Variants in RBFOX1 observed in about 807,000 individuals in gnomAD.
RBFOX1 encodes the protein RNA binding protein fox-1 homolog 1.
RBFOX1 carries 8 observed loss-of-function variants against 57.7 expected under a neutral mutation model. The observed-to-expected ratio is 0.14, with a 90% CI of 0.08 to 0.25. The LOEUF (loss-of-function observed/expected upper bound fraction) is 0.25, where lower values mean the gene tolerates loss of function less well. RBFOX1 is among the 10% of genes least tolerant of loss of function. The probability of loss-of-function intolerance (pLI) is 1.00; values close to 1 mark genes in which losing one functional copy is unlikely to be tolerated. For synonymous variants in RBFOX1, 326 were observed against 222.4 expected (o/e 1.47, Z -4.15); for missense variants, 611 against 548.5 (o/e 1.11, Z -1.14).
chr16:6,346,740 G>A (rs1599882054), intron 2 of RBFOX1, among the ~76,000 whole-genome samples: 2 of 152,210 alleles, frequency 1.3e-5, no homozygotes. Context: ...AGGTTATGAT[G>A]TTGGAGCAGA....
chr16:7,678,241 A>C (rs1229007314), intron 14 of RBFOX1, among the ~76,000 whole-genome samples: 1 of 152,200 alleles, frequency 6.6e-6, no homozygotes, highest in Non-Finnish European at 1.5e-5. Context: ...TTTACCGAGT[A>C]ATCAGTTGCC....
At chr16:5,338,792 G>A (rs2151290356) in intron 1 of RBFOX1, among the ~76,000 whole-genome samples, 2 of 152,246 alleles carry the variant, frequency 1.3e-5, no homozygotes, top group Admixed American at 1.3e-4. Context: ...GAGTAGTGGG[G>A]ACTGAAGGTG....
At chr16:7,111,199 GT>G (rs1188734739) in intron 4 of RBFOX1, among the ~76,000 whole-genome samples, 1 of 152,194 alleles carries the variant, frequency 6.6e-6, no homozygotes, top group African/African-American at 2.4e-5. Flanking sequence ...GTATTAAGGA[GT>G]TCAGTGTGAT....
chr16:5,320,408 C>T (rs575732064), intron 1 of RBFOX1, among the ~76,000 whole-genome samples: 46 of 152,290 alleles, frequency 3.0e-4, no homozygotes, highest in African/African-American at 1.1e-3. Flanking sequence ...GTGAGTTTAG[C>T]GTTTTGCTGG....
rs148907125 is a variant in RBFOX1 at position 6,080,929 on chromosome 16, A to C, written c.-127+60937A>C. On this transcript the variant is annotated intron_variant, in intron 1 of 15. Coordinates refer to ENST00000550418, the MANE Select transcript of RBFOX1 (RefSeq NM_018723.4). ...AGAGAAAATCAAAGACATAGTCTGC[A>C]TTTGGAAACACCCAGAACCACAAAT... is the stretch of plus-strand genomic sequence containing the variant. 1.4e-3 allele frequency among the ~76,000 whole-genome samples: 208 copies of C among 152,298 alleles called. 1 individual carries two copies. The highest frequency in any genetic ancestry group is 4.8e-3 in the African/African-American group (200 of 41,576).
chr16:6,607,367 A>G (rs1213896434), intron 2 of RBFOX1, among the ~76,000 whole-genome samples: 1 of 150,924 alleles, frequency 6.6e-6, no homozygotes, highest in Non-Finnish European at 1.5e-5. Context: ...TGTTATAACC[A>G]TATGACCAAT....
In RBFOX1 at chr16:6,849,055, T is replaced by A. The variant is rs75329543; in HGVS notation, c.-16+194405T>A. Among the ~76,000 whole-genome samples, 1,269 of 152,250 alleles carry A rather than the reference T, an allele frequency of 8.3e-3. 26 individuals are homozygous for A. The highest frequency in any genetic ancestry group is 0.029 in the African/African-American group (1,202 of 41,524). ...TTACGTGTCCCTGAACCTGCAGATTTAGGAAAAAGTAAACAGCTGTCCTCA... is the reference window on the plus strand; with the variant it reads ...TTACGTGTCCCTGAACCTGCAGATTAAGGAAAAAGTAAACAGCTGTCCTCA... On this transcript the variant is annotated intron_variant, in intron 3 of 15. Transcript: ENST00000550418.
chr16:5,349,488 A>G (rs2065214228), intron 1 of RBFOX1, among the ~76,000 whole-genome samples: 1 of 152,194 alleles, frequency 6.6e-6, no homozygotes, highest in Non-Finnish European at 1.5e-5. Flanking sequence ...AGCCTGGCCA[A>G]CATGGCGATC....
chr16:5,504,745 C>G (rs2151706711), intron 2 of RBFOX1, among the ~76,000 whole-genome samples: 1 of 152,332 alleles, frequency 6.6e-6, no homozygotes, highest in African/African-American at 2.4e-5. Context: ...GGAAGGAACC[C>G]TCACCAGCCC....
At chr16:7,020,977 A>C (rs1015402095) in intron 3 of RBFOX1, among the ~76,000 whole-genome samples, 5 of 152,022 alleles carry the variant, frequency 3.3e-5, no homozygotes, top group African/African-American at 1.2e-4. Flanking sequence ...AAAATACAAA[A>C]ATTAGTTGGG....
At chr16:6,367,254 G>GTTTTGTTTTGTTTTGT (rs71145220) in intron 2 of RBFOX1, among the ~76,000 whole-genome samples, 33 of 150,108 alleles carry the variant, frequency 2.2e-4, no homozygotes, top group African/African-American at 3.2e-4. Context: ...TTCTTTGTTT[G>GTTTTGTTTTGTTTTGT]TTTGTTTTGT....
intron 4 of RBFOX1, among the ~76,000 whole-genome samples, chr16:7,121,200 G>A (rs1383090224): frequency 6.6e-6 from 1 of 151,956 alleles, no homozygotes; most frequent in African/African-American, 2.4e-5. Context: ...CATTAGAGCA[G>A]GAACAAGGGA....
At chr16:6,419,494 CAA>C (rs1334136586) in intron 2 of RBFOX1, among the ~76,000 whole-genome samples, 4 of 152,158 alleles carry the variant, frequency 2.6e-5, no homozygotes, top group Admixed American at 6.5e-5. Flanking sequence ...AGACAATAAG[CAA>C]AAGTTAATTC....
chr16:6,690,282 A>G (rs1306817090), intron 3 of RBFOX1, among the ~76,000 whole-genome samples: 1 of 152,148 alleles, frequency 6.6e-6, no homozygotes, highest in African/African-American at 2.4e-5. Context: ...GGATGTGGAG[A>G]AACAATGATA....
At chr16:6,390,031 G>C (rs995836326) in intron 2 of RBFOX1, among the ~76,000 whole-genome samples, 1 of 152,148 alleles carries the variant, frequency 6.6e-6, no homozygotes, top group Non-Finnish European at 1.5e-5. Flanking sequence ...TTTTGGTCAG[G>C]AGCTCCATCT....
At chr16:5,544,093 A>G (rs2045083364) in intron 2 of RBFOX1, among the ~76,000 whole-genome samples, 1 of 152,090 alleles carries the variant, frequency 6.6e-6, no homozygotes, top group Non-Finnish European at 1.5e-5. Context: ...AGAGCCCACC[A>G]CCCAACAACA....
intron 3 of RBFOX1, among the ~76,000 whole-genome samples, chr16:5,767,540 G>C (rs961919110): frequency 6.6e-6 from 1 of 152,170 alleles, no homozygotes; most frequent in Non-Finnish European, 1.5e-5. Flanking sequence ...GAATAGACCT[G>C]TCCCTACGAA....
chr16:6,121,424 T>C (rs966307963), intron 1 of RBFOX1, among the ~76,000 whole-genome samples: 3 of 152,318 alleles, frequency 2.0e-5, no homozygotes, highest in Middle Eastern at 3.4e-3. Flanking sequence ...AAAGTGATGA[T>C]GCTTGAAATC....
chr16:6,671,566 C>T (rs1379516556), intron 3 of RBFOX1, among the ~76,000 whole-genome samples: 2 of 152,134 alleles, frequency 1.3e-5, no homozygotes, highest in African/African-American at 4.8e-5. Flanking sequence ...TTCTGCATCT[C>T]AGATTCCTCT....
Sources: allele counts gnomAD v4.1 joint callset (sites outside exome capture counted in the v4.1 genomes callset), GRCh38; gene constraint gnomAD v4.1.1; transcripts MANE v1.5; gene names NCBI Gene and HGNC (gene_info 2026-07-23, HGNC 2026-07-21).